DNAJC3: variants seen among roughly 807,000 people sequenced by gnomAD.
DNAJC3 encodes the protein DnaJ heat shock protein family (Hsp40) member C3.
Under a neutral mutation model 68.6 loss-of-function variants are expected in DNAJC3, and 38 were observed. The ratio of observed to expected loss-of-function variants is 0.55; its 90% CI spans 0.43 to 0.73. The LOEUF is 0.73. Ranked by LOEUF, DNAJC3 falls within the 30% of genes least tolerant of loss-of-function variation. DNAJC3 has a pLI of 0.00. For synonymous variants in DNAJC3, 203 were observed against 204.0 expected (o/e 1.00, Z 0.04); for missense variants, 526 against 591.9 (o/e 0.89, Z 1.16).
intron 4 of DNAJC3, chr13:95,742,978 G>A (rs1466899761): frequency 2.4e-6 from 1 of 417,756 alleles, no homozygotes; most frequent in Non-Finnish European, 4.7e-6. Flanking sequence ...TTAGGTCGAA[G>A]TTCATTTGTT....
chr13:95,776,659 T>C (rs143662843), intron 9 of DNAJC3, among the ~76,000 whole-genome samples: 128 of 152,362 alleles, frequency 8.4e-4, no homozygotes, highest in African/African-American at 2.1e-3. Flanking sequence ...CTTTTAAAAA[T>C]AGTTTTATTA....
At chr13:95,710,329 C>T (rs868712635) in intron 2 of DNAJC3, among the ~76,000 whole-genome samples, 10 of 151,728 alleles carry the variant, frequency 6.6e-5, no homozygotes, top group Middle Eastern at 6.8e-3. Context: ...CTTACTGCAG[C>T]CTCAGCCTCC....
At chr13:95,758,689 G>A (rs894066646) in intron 5 of DNAJC3, among the ~76,000 whole-genome samples, 12 of 152,074 alleles carry the variant, frequency 7.9e-5, no homozygotes, top group Non-Finnish European at 1.0e-4. Flanking sequence ...GGAAACCTGA[G>A]TCTAGGTTTC....
In DNAJC3 at chr13:95,752,417, A is replaced by C. The variant is rs17879369; in HGVS notation, c.394-5227A>C. 3.4e-3 allele frequency among the ~76,000 whole-genome samples: 524 copies of C among 152,306 alleles called. 3 individuals carry two copies. Among genetic ancestry groups the C allele is most frequent in the Non-Finnish European group, 6.5e-3 (442 of 68,024 alleles). ...GCAAATTTTGTTAATATCTGTCTTA[A>C]TTGAAGATAACAATTCTCATATCTG... On this transcript the variant is annotated intron_variant, in intron 4 of 11. Coordinates refer to ENST00000602402, the MANE Select transcript of DNAJC3 (RefSeq NM_006260.5).
chr13:95,732,998 G>A (rs987528738), intron 4 of DNAJC3, among the ~76,000 whole-genome samples: 6 of 152,170 alleles, frequency 3.9e-5, no homozygotes, highest in Middle Eastern at 3.4e-3. Context: ...GTCTGAGAAA[G>A]TACTTACATG....
intron 7 of DNAJC3, among the ~76,000 whole-genome samples, chr13:95,761,664 C>T (rs979517338): frequency 6.6e-6 from 1 of 152,202 alleles, no homozygotes; most frequent in Non-Finnish European, 1.5e-5. Context: ...TTGTTCCTAT[C>T]CCTTCCTTAG....
chr13:95,694,236 A>G (rs1880364440), intron 1 of DNAJC3: 1 of 152,520 alleles, frequency 6.6e-6, no homozygotes, highest in South Asian at 2.1e-4. Context: ...AAGTTCCTCA[A>G]ATATCATATT....
At chr13:95,677,439 T>A in intron 1 of DNAJC3, 102 bp downstream of exon 1, 1 of 1,234,612 alleles carries the variant, frequency 8.1e-7, no homozygotes, top group Non-Finnish European at 1.1e-6. Context: ...GCTCGGGAGG[T>A]GGGGCGAGCG....
At chr13:95,738,786 G>C (rs1026821481) in intron 4 of DNAJC3, among the ~76,000 whole-genome samples, 4 of 152,094 alleles carry the variant, frequency 2.6e-5, no homozygotes, top group African/African-American at 9.7e-5. Flanking sequence ...CAGTTTGCCA[G>C]TCTGTGTCTT....
intron 1 of DNAJC3, among the ~76,000 whole-genome samples, chr13:95,685,098 T>G (rs1880035445): frequency 6.6e-6 from 1 of 152,196 alleles, no homozygotes; most frequent in Non-Finnish European, 1.5e-5. Context: ...CCCAGAATGG[T>G]AGATCCGCTG....
chr13:95,759,024 G>T (rs549344488), intron 5 of DNAJC3, among the ~76,000 whole-genome samples: 2 of 152,228 alleles, frequency 1.3e-5, no homozygotes, highest in East Asian at 3.9e-4. Context: ...TGATATTTAT[G>T]TATAATGTTG....
intron 9 of DNAJC3, among the ~76,000 whole-genome samples, chr13:95,764,434 A>G (rs1485234331): frequency 6.7e-6 from 1 of 148,810 alleles, no homozygotes; most frequent in Non-Finnish European, 1.5e-5. Context: ...AAGCATACAT[A>G]CATGTCATAT....
chr13:95,714,362 G>A (rs561583994), intron 2 of DNAJC3, among the ~76,000 whole-genome samples: 2 of 151,320 alleles, frequency 1.3e-5, no homozygotes, highest in East Asian at 3.9e-4. Flanking sequence ...TCCAGCCTGG[G>A]CAATGGAGTG....
intron 4 of DNAJC3, among the ~76,000 whole-genome samples, chr13:95,754,401 C>G (rs1185452494): frequency 2.0e-5 from 3 of 152,152 alleles, no homozygotes; most frequent in Admixed American, 2.0e-4. Flanking sequence ...TTTTTTGTGA[C>G]CTAATCAAGG....
At chr13:95,735,745 CA>C (rs1406771247) in intron 4 of DNAJC3, among the ~76,000 whole-genome samples, 1 of 151,664 alleles carries the variant, frequency 6.6e-6, no homozygotes, top group Non-Finnish European at 1.5e-5. Context: ...GAGTAGGTTG[CA>C]AAAATTTTCT....
chr13:95,699,143 G>A (rs1880524660), intron 1 of DNAJC3, among the ~76,000 whole-genome samples: 1 of 152,190 alleles, frequency 6.6e-6, no homozygotes, highest in Admixed American at 6.5e-5. Flanking sequence ...TTCTGTTATG[G>A]AAATGTGACC....
At chr13:95,749,546 T>C (rs775682913) in intron 4 of DNAJC3, among the ~76,000 whole-genome samples, 1 of 152,088 alleles carries the variant, frequency 6.6e-6, no homozygotes, top group African/African-American at 2.4e-5. Context: ...AGTAGAGCCA[T>C]TGATTGAAGA....
rs559801757 is a variant in DNAJC3, at chr13:95,790,710, TGG to T, written c.1358-161_1358-160del. On this transcript the variant is annotated intron_variant, in intron 11 of 11. Transcript: ENST00000602402. ...ATTTCTCTAGTCTGTTTCTTCAGGG[TGG>T]GAATGGGAGAGCCTGGATTTGAATG... is the stretch of plus-strand genomic sequence containing the variant. Among the ~76,000 whole-genome samples the T allele has an allele frequency of 9.1e-4, 139 of 152,098 alleles. 1 individual carries two copies. Among genetic ancestry groups the T allele is most frequent in the Non-Finnish European group, 1.7e-3 (113 of 67,988 alleles).
chr13:95,792,794 C>T lies in DNAJC3; in HGVS notation c.*1764C>T, dbSNP rs1469195904. The T allele has an allele frequency of 6.6e-6, 1 of 152,196 alleles. No individual in the cohort carries two copies. The highest frequency in any genetic ancestry group is 1.5e-5 in the Non-Finnish European group (1 of 68,026). The allele number at this position is 152,196 out of a possible 1,614,324, so 9.4% of individuals were successfully genotyped here. ...ATTTCTGTTTATTCTTTAGTAATCT[C>T]ACTACTGGCTATGTCAGCAATATCT... On this transcript the variant is annotated 3_prime_UTR_variant, in exon 12 of 12. Transcript: ENST00000602402.
Sources: allele counts gnomAD v4.1 joint callset (sites outside exome capture counted in the v4.1 genomes callset), GRCh38; gene constraint gnomAD v4.1.1; transcripts MANE v1.5; gene names NCBI Gene and HGNC (gene_info 2026-07-23, HGNC 2026-07-21).